NKAIN3: variants seen among roughly 807,000 people sequenced by gnomAD.
The protein encoded by NKAIN3 is sodium/potassium-transporting ATPase subunit beta-1-interacting protein 3.
Under a neutral mutation model 30.2 loss-of-function variants are expected in NKAIN3, and 25 were observed. The observed-to-expected ratio is 0.83, with a 90% CI of 0.60 to 1.16. NKAIN3 has a LOEUF of 1.16. Among genes scored for constraint, NKAIN3 ranks in the 50% most tolerant of loss-of-function variants. NKAIN3 has a pLI of 0.00. For missense variants in NKAIN3, 225 were observed against 254.1 expected (o/e 0.89, Z 0.78); for synonymous variants, 91 against 89.6 (o/e 1.02, Z -0.09).
chr8:62,574,200 A>G (rs1036497017), intron 1 of NKAIN3, among the ~76,000 whole-genome samples: 1 of 152,140 alleles, frequency 6.6e-6, no homozygotes, highest in African/African-American at 2.4e-5. Context: ...CTGGCAAATG[A>G]CAGGATACAA....
At chr8:62,641,304 T>A (rs982908389) in intron 3 of NKAIN3, among the ~76,000 whole-genome samples, 19 of 152,166 alleles carry the variant, frequency 1.2e-4, no homozygotes, top group Non-Finnish European at 2.6e-4. Flanking sequence ...TGATTTTTGT[T>A]CATAAATAAA....
chr8:62,951,324 C>A (rs552785029), intron 5 of NKAIN3, among the ~76,000 whole-genome samples: 78 of 152,226 alleles, frequency 5.1e-4, no homozygotes, highest in African/African-American at 1.5e-3. Flanking sequence ...GTCTTATATA[C>A]CAGTTTATAA....
intron 1 of NKAIN3, among the ~76,000 whole-genome samples, chr8:62,421,961 A>G (rs1419938303): frequency 6.6e-6 from 1 of 152,100 alleles, no homozygotes; most frequent in African/African-American, 2.4e-5. Context: ...CACTGCACAC[A>G]GTGGCTCAGA....
intron 3 of NKAIN3, among the ~76,000 whole-genome samples, chr8:62,732,760 C>G (rs1206017643): frequency 6.6e-6 from 1 of 151,886 alleles, no homozygotes; most frequent in Non-Finnish European, 1.5e-5. Context: ...TTATGTTTTT[C>G]CATAAAGTCT....
chr8:62,876,350 T>A (rs1385445716), intron 4 of NKAIN3, among the ~76,000 whole-genome samples: 1 of 152,168 alleles, frequency 6.6e-6, no homozygotes, highest in Admixed American at 6.5e-5. Context: ...TAGGAATGCT[T>A]TTACCCTCTT....
chr8:62,465,113 A>G (rs1372427097), intron 1 of NKAIN3, among the ~76,000 whole-genome samples: 2 of 152,194 alleles, frequency 1.3e-5, no homozygotes, highest in African/African-American at 4.8e-5. Flanking sequence ...ATTCAAGCTC[A>G]AACAGTTTTA....
intron 4 of NKAIN3, among the ~76,000 whole-genome samples, chr8:62,908,179 T>G (rs547563610): frequency 6.6e-6 from 1 of 152,328 alleles, no homozygotes; most frequent in Admixed American, 6.5e-5. Flanking sequence ...GATTTTGGAC[T>G]TCCAAGGGGC....
chr8:62,808,564 T>G lies in NKAIN3; in HGVS notation c.471+61435T>G, dbSNP rs188600903. On this transcript the variant is annotated intron_variant, in intron 4 of 6. Coordinates refer to ENST00000623646, the MANE Select transcript of NKAIN3 (RefSeq NM_001304533.3). ...GGGAAAGAGTACCAAAGAGAGAAAT[T>G]TTAAAGCTGAGTGTCTGGGGGAGAC... Among the ~76,000 whole-genome samples the G allele has an allele frequency of 6.4e-3, 972 of 152,120 alleles. 9 individuals carry two copies. Among genetic ancestry groups the G allele is most frequent in the African/African-American group, 0.022 (911 of 41,490 alleles).
chr8:62,529,441 G>A (rs1450489929), intron 1 of NKAIN3, among the ~76,000 whole-genome samples: 2 of 152,092 alleles, frequency 1.3e-5, no homozygotes, highest in Admixed American at 6.6e-5. Context: ...AACAACGAAC[G>A]TGATAGTGCT....
chr8:62,976,893 C>T lies in NKAIN3; in HGVS notation c.*11486C>T, dbSNP rs1823953914. On this transcript the variant is annotated 3_prime_UTR_variant, in exon 7 of 7. Coordinates refer to ENST00000623646, the MANE Select transcript of NKAIN3 (RefSeq NM_001304533.3). ...AGGCAGGCTTGGTGTGACAAAATTC[C>T]TCAGCATTTGCTTGTCTGTAAAGGA... Among the ~76,000 whole-genome samples, 1 of 152,154 alleles carries T rather than the reference C, an allele frequency of 6.6e-6. No individual in the cohort carries two copies. The highest frequency in any genetic ancestry group is 2.4e-5 in the African/African-American group (1 of 41,436).
chr8:62,514,771 G>A lies in NKAIN3; in HGVS notation c.55-64768G>A, dbSNP rs537515606. ...AAAAGATGGATATTCTAACTTCAGG[G>A]ATGAGTGTGGAGCTAGGCGGCCTGT... On this transcript the variant is annotated intron_variant, in intron 1 of 6. Transcript: ENST00000623646. Among the ~76,000 whole-genome samples the A allele has an allele frequency of 6.6e-5, 10 of 152,226 alleles. No individual in the cohort carries two copies. The South Asian group carries it at 1.9e-3, about 28-fold the overall frequency.
Position 62,325,587 on chromosome 8 carries a change from A to T in NKAIN3, c.54+76460A>T, listed in dbSNP as rs113113092. Among the ~76,000 whole-genome samples the T allele has an allele frequency of 9.0e-3, 1,366 of 152,214 alleles. 30 individuals carry two copies. The highest frequency in any genetic ancestry group is 0.031 in the African/African-American group (1,290 of 41,552). Reference sequence around the variant, plus strand: ...TTTTCCACAGTGTTTGTACTAGTTTACATTCCCACATGCAGTGTAAAAATG... The same window carrying T: ...TTTTCCACAGTGTTTGTACTAGTTTTCATTCCCACATGCAGTGTAAAAATG... On this transcript the variant is annotated intron_variant, in intron 1 of 6. Transcript: ENST00000623646.
In NKAIN3 at chr8:62,591,299, T is replaced by C. The variant is rs192581640; in HGVS notation, c.273+1505T>C. 1.7e-3 allele frequency among the ~76,000 whole-genome samples: 259 copies of C among 152,008 alleles called. 1 individual carries two copies. The highest frequency in any genetic ancestry group is 5.9e-3 in the African/African-American group (244 of 41,522). ...GAATCATAAGTCTTGAGTCCAAATC[T>C]GGTCTTCAGCACTTATTAACTGTGA... On this transcript the variant is annotated intron_variant, in intron 3 of 6. Coordinates refer to ENST00000623646, the MANE Select transcript of NKAIN3 (RefSeq NM_001304533.3).
intron 1 of NKAIN3, among the ~76,000 whole-genome samples, chr8:62,500,517 G>A (rs1807412911): frequency 7.1e-6 from 1 of 141,474 alleles, no homozygotes; most frequent in Non-Finnish European, 1.6e-5. Flanking sequence ...AGGAAAGAAA[G>A]AAAGAGTGAG....
intron 1 of NKAIN3, among the ~76,000 whole-genome samples, chr8:62,508,239 C>T (rs1278578269): frequency 2.0e-5 from 3 of 152,146 alleles, no homozygotes; most frequent in Non-Finnish European, 4.4e-5. Flanking sequence ...AATCCCTTCA[C>T]GTGATGACCC....
chr8:62,948,487 C>G (rs973607235), intron 5 of NKAIN3, among the ~76,000 whole-genome samples: 2 of 151,944 alleles, frequency 1.3e-5, no homozygotes, highest in Non-Finnish European at 2.9e-5. Flanking sequence ...CGTGAGCCAC[C>G]GCACCTGGCC....
In NKAIN3 at chr8:62,716,211, A is replaced by G. The variant is rs80083534; in HGVS notation, c.274-30721A>G. On this transcript the variant is annotated intron_variant, in intron 3 of 6. Coordinates refer to ENST00000623646, the MANE Select transcript of NKAIN3 (RefSeq NM_001304533.3). ...CCCTTTCCACAGCCCTTTTTTGTCA[A>G]TGATACACAAGACACCATGCTTTCC... Among the ~76,000 whole-genome samples the G allele has an allele frequency of 2.8e-3, 430 of 152,182 alleles. 3 individuals are homozygous for G. Among genetic ancestry groups the G allele is most frequent in the African/African-American group, 9.8e-3 (406 of 41,524 alleles).
At chr8:62,657,336 CTA>C in intron 3 of NKAIN3, among the ~76,000 whole-genome samples, 1 of 152,240 alleles carries the variant, frequency 6.6e-6, no homozygotes, top group Middle Eastern at 3.4e-3. Flanking sequence ...GGTCAATACT[CTA>C]TGTTTAATTA....
chr8:62,685,154 C>T (rs551629557), intron 3 of NKAIN3, among the ~76,000 whole-genome samples: 7 of 152,110 alleles, frequency 4.6e-5, no homozygotes, highest in South Asian at 2.1e-4. Flanking sequence ...TTAACATTGG[C>T]GAGATTCATG....
Sources: allele counts gnomAD v4.1 joint callset (sites outside exome capture counted in the v4.1 genomes callset), GRCh38; gene constraint gnomAD v4.1.1; transcripts MANE v1.5; gene names NCBI Gene and HGNC (gene_info 2026-07-23, HGNC 2026-07-21).